FAM118B: variants seen among roughly 807,000 people sequenced by gnomAD.
FAM118B encodes the protein protein FAM118B.
A neutral mutation model predicts 38.5 loss-of-function variants in FAM118B; 24 were observed. That is an observed-to-expected ratio of 0.62 (90% CI 0.45 to 0.88). The LOEUF is 0.88. FAM118B is among the 40% of genes least tolerant of loss of function. The pLI is 0.00. For synonymous variants in FAM118B, 138 were observed against 156.3 expected (o/e 0.88, Z 0.87); for missense variants, 334 against 420.0 (o/e 0.80, Z 1.79).
chr11:126,254,395 G>T lies in FAM118B; in HGVS notation c.658G>T (p.Ala220Ser). 6.2e-7 allele frequency: 1 copy of T among 1,614,226 alleles called. No homozygotes were observed. Among genetic ancestry groups the T allele is most frequent in the African/African-American group, 1.3e-5 (1 of 75,052 alleles). Residue 220 changes from alanine (A) to serine (S), a missense_variant, in exon 6 of 9, where the codon GCT becomes TCT. Transcript: ENST00000533050. ...TNPSGIVLHP[A>S]GYQNVLRNTE... Reference sequence around the variant, plus strand: ...CCCTAGTGGCATTGTCCTTCATCCGGCTGGATATCAGAACGTGCTCAGGAA... The same window carrying T: ...CCCTAGTGGCATTGTCCTTCATCCGTCTGGATATCAGAACGTGCTCAGGAA...
intron 2 of FAM118B, among the ~76,000 whole-genome samples, chr11:126,234,039 G>A (rs962889225): frequency 6.6e-6 from 1 of 152,130 alleles, no homozygotes; most frequent in African/African-American, 2.4e-5. Context: ...CCAAGATGGC[G>A]CCACTGTACT....
chr11:126,219,152 A>G (rs1565324382), intron 1 of FAM118B, among the ~76,000 whole-genome samples: 1 of 152,194 alleles, frequency 6.6e-6, no homozygotes, highest in Non-Finnish European at 1.5e-5. Flanking sequence ...ATACCTTGAA[A>G]AAAGAAAAAC....
chr11:126,213,442 A>G (rs624590), intron 1 of FAM118B, among the ~76,000 whole-genome samples: 110,556 of 152,052 alleles, frequency 0.73, 41,269 homozygotes, highest in East Asian at 1. Context: ...TTTACCAGTA[A>G]GACAGAGGTC....
rs1051734055 is a variant in FAM118B, at chr11:126,250,383, G to A, written c.340-123G>A. 3.1e-5 allele frequency: 21 copies of A among 667,534 alleles called. No homozygotes were observed. The highest frequency in any genetic ancestry group is 1.1e-4 in the Admixed American group (4 of 37,650). The allele number at this position is 667,534 out of a possible 1,614,324, so 41.4% of individuals were successfully genotyped here. Reference sequence around the variant, plus strand: ...TGGGATTACAGGCGTGAGCCACTGCGCCTGGCCTTTATCTCTGTTTTGAAT... The same window carrying A: ...TGGGATTACAGGCGTGAGCCACTGCACCTGGCCTTTATCTCTGTTTTGAAT... On this transcript the variant is annotated intron_variant, in intron 4 of 8. Transcript: ENST00000533050. The surrounding 1 kb of genome is among the most constrained non-coding windows in gnomAD (Gnocchi z 5.1).
rs1373743030 is a variant in FAM118B at position 126,250,137 on chromosome 11, G to T, written c.340-369G>T. 6.7e-6 allele frequency among the ~76,000 whole-genome samples: 1 copy of T among 150,260 alleles called. No homozygotes were observed. The highest frequency in any genetic ancestry group is 2.4e-5 in the African/African-American group (1 of 40,840). ...GATGGAGTCTCGCTCCGTCGCCCAG[G>T]CTGGAGTGCAGTGACGCGATCTCGG... On this transcript the variant is annotated intron_variant, in intron 4 of 8. Coordinates refer to ENST00000533050, the MANE Select transcript of FAM118B (RefSeq NM_024556.4). The surrounding 1 kb of genome is among the most constrained non-coding windows in gnomAD (Gnocchi z 5.1).
chr11:126,256,954 T>C lies in FAM118B; in HGVS notation c.982+102T>C. The C allele has an allele frequency of 8.1e-7, 1 of 1,238,560 alleles. No homozygotes were observed. The highest frequency in any genetic ancestry group is 2.3e-5 in the East Asian group (1 of 42,950). 76.7% of individuals were successfully genotyped at this position (1,238,560 alleles called of 1,614,324 possible). On this transcript the variant is annotated intron_variant, in intron 7 of 8. Transcript: ENST00000533050. This position sits in a 1 kb window ranked among gnomAD's most constrained non-coding sequence, Gnocchi z 6.6. ...GCAAAATAGTTGCCAAGATGAGGAA[T>C]GTAATGACTGACCAAATTGTAAAGG... is the stretch of plus-strand genomic sequence containing the variant.
rs144872848 is a variant in FAM118B, at chr11:126,251,147, C to T, written c.567+414C>T. On this transcript the variant is annotated intron_variant, in intron 5 of 8. Transcript: ENST00000533050. ...TTGGAAGAACAACTTCCAGGCCAAGCGATGGCTGAATTGAGGTTAATGTTT... is the reference window on the plus strand; with the variant it reads ...TTGGAAGAACAACTTCCAGGCCAAGTGATGGCTGAATTGAGGTTAATGTTT... Among the ~76,000 whole-genome samples, 15 of 152,268 alleles carry T rather than the reference C, an allele frequency of 9.9e-5. No individual in the cohort carries two copies. In the East Asian group the frequency reaches 2.1e-3, roughly 22 times the overall value.
intron 1 of FAM118B, among the ~76,000 whole-genome samples, chr11:126,217,887 G>T (rs998680900): frequency 6.6e-6 from 1 of 152,182 alleles, no homozygotes; most frequent in African/African-American, 2.4e-5. Flanking sequence ...AATTGCTCTA[G>T]AGATGTGGTG....
Position 126,255,505 on chromosome 11 carries a change from A to G in FAM118B, c.697-1062A>G, listed in dbSNP as rs140205355. The stretch of plus-strand genomic sequence containing the variant: ...TGTATATGTATACACACACACACAC[A>G]TACTGATGTTCTAAGTATCAAACGC... On this transcript the variant is annotated intron_variant, in intron 6 of 8. Coordinates refer to ENST00000533050, the MANE Select transcript of FAM118B (RefSeq NM_024556.4). This position sits in a 1 kb window ranked among gnomAD's most constrained non-coding sequence, Gnocchi z 4.6. Among the ~76,000 whole-genome samples, 2 of 152,308 alleles carry G rather than the reference A, an allele frequency of 1.3e-5. No homozygotes were observed. The highest frequency in any genetic ancestry group is 4.8e-5 in the African/African-American group (2 of 41,562).
At position 126,244,218 on chromosome 11, in the gene FAM118B, A is replaced by G. The variant is rs1215150132; in HGVS notation, c.339+3174A>G. 1.3e-5 allele frequency among the ~76,000 whole-genome samples: 2 copies of G among 152,194 alleles called. No homozygotes were observed. Among genetic ancestry groups the G allele is most frequent in the Non-Finnish European group, 2.9e-5 (2 of 68,034 alleles). On this transcript the variant is annotated intron_variant, in intron 4 of 8. Transcript: ENST00000533050. This position sits in a 1 kb window ranked among gnomAD's most constrained non-coding sequence, Gnocchi z 4.5. ...TGTTTTCCCACTCCACTCCTGTCCA[A>G]CATGGTGCTGGATGTTCTAGACCGG...
At chr11:126,216,739 G>A (rs1375242257) in intron 1 of FAM118B, among the ~76,000 whole-genome samples, 1 of 152,202 alleles carries the variant, frequency 6.6e-6, no homozygotes, top group Admixed American at 6.5e-5. Flanking sequence ...ATTGTCAGAA[G>A]CATTTCCTAC....
At chr11:126,220,194 G>C (rs1282341274) in intron 1 of FAM118B, among the ~76,000 whole-genome samples, 5 of 152,148 alleles carry the variant, frequency 3.3e-5, no homozygotes, top group Non-Finnish European at 7.3e-5. Context: ...AAATCTGGGG[G>C]AAAGGTGCTC....
intron 1 of FAM118B, among the ~76,000 whole-genome samples, chr11:126,215,055 G>A (rs1261125247): frequency 2.0e-5 from 3 of 152,196 alleles, no homozygotes; most frequent in African/African-American, 7.2e-5. Flanking sequence ...GAGGCAATTA[G>A]CAGGAACTCT....
intron 1 of FAM118B, among the ~76,000 whole-genome samples, chr11:126,215,809 A>G (rs1295185193): frequency 1.3e-5 from 2 of 151,602 alleles, no homozygotes; most frequent in Non-Finnish European, 2.9e-5. Context: ...TAGGAGTTTG[A>G]GATCGCCTGG....
Position 126,211,789 on chromosome 11 carries a change from C to G in FAM118B, c.-118C>G, listed in dbSNP as rs934270171. 2.5e-6 allele frequency: 2 copies of G among 794,286 alleles called. No homozygotes were observed. Among genetic ancestry groups the G allele is most frequent in the Non-Finnish European group, 3.9e-6 (2 of 508,360 alleles). 49.2% of individuals were successfully genotyped at this position (794,286 alleles called of 1,614,324 possible). A position where few individuals can be genotyped will look rare whatever the true frequency, so the allele number is the denominator to read the frequency against. On this transcript the variant is annotated 5_prime_UTR_variant, in exon 1 of 9. Transcript: ENST00000533050. ...TGCGCGCTCAGTGCGGCTGCGCCGG[C>G]CGGTAGCTGCAGCTGGAGCAGTGGC...
chr11:126,231,864 A>G lies in FAM118B; in HGVS notation c.-8+2571A>G, dbSNP rs118103374. Among the ~76,000 whole-genome samples the G allele has an allele frequency of 1.0e-3, 152 of 152,334 alleles. 1 individual carries two copies. The East Asian group carries it at 0.012, about 12-fold the overall frequency. ...TGGTGGATAAGTGGTAGTGAGAAGT[A>G]TATAACAAATAGTGCTTGTCACTGG... On this transcript the variant is annotated intron_variant, in intron 2 of 8. Transcript: ENST00000533050.
Position 126,256,522 on chromosome 11 carries a change from G to T in FAM118B, c.697-45G>T. The stretch of plus-strand genomic sequence containing the variant: ...GACCTTCTTGTTTCAGACTTGCCTT[G>T]AGTGTGTCTTCACAATGTCAATATG... On this transcript the variant is annotated intron_variant, in intron 6 of 8. Transcript: ENST00000533050. The surrounding 1 kb of genome is among the most constrained non-coding windows in gnomAD (Gnocchi z 6.6). 1 of 1,582,918 alleles carries T rather than the reference G, an allele frequency of 6.3e-7. No individual in the cohort carries two copies. Among genetic ancestry groups the T allele is most frequent in the South Asian group, 1.1e-5 (1 of 88,104 alleles).
At chr11:126,241,889 G>A (rs1037102994) in intron 4 of FAM118B, among the ~76,000 whole-genome samples, 9 of 151,944 alleles carry the variant, frequency 5.9e-5, no homozygotes, top group East Asian at 1.9e-4. Context: ...AGGGCCAGGC[G>A]TGGTGGGCAC....
At chr11:126,234,369 T>C (rs1393891044) in intron 2 of FAM118B, among the ~76,000 whole-genome samples, 1 of 152,212 alleles carries the variant, frequency 6.6e-6, no homozygotes, top group East Asian at 1.9e-4. Flanking sequence ...CCGAACATAA[T>C]TGGCCATTTT....
Sources: allele counts gnomAD v4.1 joint callset (sites outside exome capture counted in the v4.1 genomes callset), GRCh38; gene constraint gnomAD v4.1.1; non-coding constraint Gnocchi (gnomAD v3.1); transcripts MANE v1.5; gene names NCBI Gene and HGNC (gene_info 2026-07-23, HGNC 2026-07-21).